Variants in RSRC1 observed in about 807,000 individuals in gnomAD.
The protein encoded by RSRC1 is arginine and serine rich coiled-coil 1.
Under a neutral mutation model 49.1 loss-of-function variants are expected in RSRC1, and 39 were observed. The ratio of observed to expected loss-of-function variants is 0.79; its 90% CI spans 0.61 to 1.04. RSRC1 has a LOEUF of 1.04. RSRC1 is among the 50% of genes least tolerant of loss of function. The pLI is 0.00. For synonymous variants in RSRC1, 143 were observed against 130.8 expected, an observed-to-expected ratio of 1.09 and a Z score of -0.63; for missense variants, 388 against 402.4, an observed-to-expected ratio of 0.96 and a Z score of 0.31.
At chr3:158,336,321 G>A (rs995621179) in intron 5 of RSRC1, 1 of 152,278 alleles carries the variant, frequency 6.6e-6, no homozygotes, top group South Asian at 2.1e-4. Context: ...AAAGATGAGG[G>A]TGAGGTGGGG....
chr3:158,346,165 G>A (rs1230478662), intron 5 of RSRC1, among the ~76,000 whole-genome samples: 4 of 152,080 alleles, frequency 2.6e-5, no homozygotes, highest in Non-Finnish European at 5.9e-5. Flanking sequence ...AGAGGAAATT[G>A]GCAGAGTATG....
At position 158,331,905 on chromosome 3, in the gene RSRC1, A is replaced by G. The variant is rs370157101; in HGVS notation, c.532-22952A>G. 4.6e-4 allele frequency among the ~76,000 whole-genome samples: 70 copies of G among 151,116 alleles called. 6 individuals carry two copies. The East Asian group carries it at 6.0e-3, about 13-fold the overall frequency. On this transcript the variant is annotated intron_variant, in intron 5 of 9. Transcript: ENST00000611884. ...CATTCCTACACTACCATACTAATAT[A>G]TTATTTAGTTGCTCTTTCATAATAT... is the stretch of plus-strand genomic sequence containing the variant.
chr3:158,178,053 G>A (rs1274238299), intron 3 of RSRC1, among the ~76,000 whole-genome samples: 3 of 152,034 alleles, frequency 2.0e-5, no homozygotes, highest in African/African-American at 7.2e-5. Context: ...TTTGTTATCT[G>A]TAGACTGTTG....
chr3:158,213,582 T>C (rs1348168527), intron 4 of RSRC1, among the ~76,000 whole-genome samples: 2 of 151,900 alleles, frequency 1.3e-5, no homozygotes. Context: ...AATACAACAA[T>C]GAGTACTGCT....
chr3:158,112,238 CT>C (rs1285667148), intron 1 of RSRC1, among the ~76,000 whole-genome samples: 3 of 152,350 alleles, frequency 2.0e-5, no homozygotes, highest in Non-Finnish European at 4.4e-5. Context: ...ATCAATGTGT[CT>C]TTCCATTCAT....
At chr3:158,384,209 A>G (rs1364187724) in intron 6 of RSRC1, among the ~76,000 whole-genome samples, 1 of 152,160 alleles carries the variant, frequency 6.6e-6, no homozygotes, top group African/African-American at 2.4e-5. Context: ...AGACATCAAG[A>G]AACTCTTCTG....
chr3:158,334,543 C>T (rs889799833), intron 5 of RSRC1, among the ~76,000 whole-genome samples: 3 of 149,888 alleles, frequency 2.0e-5, no homozygotes, highest in South Asian at 2.1e-4. Flanking sequence ...TGCAGTGGTG[C>T]GATCTCAGCT....
At chr3:158,188,681 A>T (rs827157) in intron 3 of RSRC1, among the ~76,000 whole-genome samples, 1 of 151,602 alleles carries the variant, frequency 6.6e-6, no homozygotes, top group Non-Finnish European at 1.5e-5. Context: ...AACCCATATG[A>T]GCAAAAGGTG....
intron 6 of RSRC1, among the ~76,000 whole-genome samples, chr3:158,436,224 A>T (rs79810812): frequency 0.054 from 8,130 of 151,926 alleles, 317 homozygotes; most frequent in South Asian, 0.1. Flanking sequence ...CACTTGTTCA[A>T]TTGGCTATAG....
At chr3:158,504,939 AATTTTT>A (rs1739784173) in intron 7 of RSRC1, among the ~76,000 whole-genome samples, 1 of 152,290 alleles carries the variant, frequency 6.6e-6, no homozygotes, top group Admixed American at 6.5e-5. Context: ...TTGGCCTTCA[AATTTTT>A]ATTAACTTGG....
At chr3:158,353,953 C>CA (rs1731012027) in intron 5 of RSRC1, among the ~76,000 whole-genome samples, 2 of 149,660 alleles carry the variant, frequency 1.3e-5, no homozygotes, top group South Asian at 2.1e-4. Flanking sequence ...CCAAAAATCT[C>CA]AGAGTGTGGT....
At chr3:158,518,148 A>ATATTTTTT (rs1310027981) in intron 7 of RSRC1, among the ~76,000 whole-genome samples, 1 of 44,138 alleles carries the variant, frequency 2.3e-5, no homozygotes, top group African/African-American at 1.5e-4. Flanking sequence ...ATATATATAT[A>ATATTTTTT]TTTTTTTTTT....
At chr3:158,256,333 C>T (rs756719704) in intron 4 of RSRC1, among the ~76,000 whole-genome samples, 23 of 151,986 alleles carry the variant, frequency 1.5e-4, no homozygotes, top group Non-Finnish European at 3.2e-4. Flanking sequence ...TGGTTTTTGT[C>T]GTTGGTTCTG....
At chr3:158,444,889 A>G (rs1333458578) in intron 6 of RSRC1, among the ~76,000 whole-genome samples, 1 of 152,226 alleles carries the variant, frequency 6.6e-6, no homozygotes, top group Non-Finnish European at 1.5e-5. Context: ...TGCAGCCAAA[A>G]GACACATGAA....
In RSRC1 at chr3:158,460,920, T is replaced by C. The variant is rs1273530911; in HGVS notation, c.584-15T>C. ...GCATAAAATAAGTACAAAAATTGTA[T>C]TGTTTTTGTTTCAGCAAAAGCTGAT... On this transcript the variant is annotated splice_polypyrimidine_tract_variant and intron_variant, in intron 6 of 9. Transcript: ENST00000611884. 1 of 1,558,802 alleles carries C rather than the reference T, an allele frequency of 6.4e-7. No individual in the cohort carries two copies. Among genetic ancestry groups the C allele is most frequent in the African/African-American group, 1.4e-5 (1 of 72,890 alleles).
intron 4 of RSRC1, among the ~76,000 whole-genome samples, chr3:158,222,816 C>A (rs1198144773): frequency 6.6e-6 from 1 of 151,610 alleles, no homozygotes; most frequent in Non-Finnish European, 1.5e-5. Context: ...CCTTTTCTAA[C>A]TGTGCTCTGT....
intron 4 of RSRC1, among the ~76,000 whole-genome samples, chr3:158,295,932 T>C (rs900824171): frequency 6.6e-6 from 1 of 152,082 alleles, no homozygotes; most frequent in African/African-American, 2.4e-5. Context: ...TCTTTGTTTA[T>C]CCCATTTTGT....
chr3:158,265,455 C>G (rs987071067), intron 4 of RSRC1, among the ~76,000 whole-genome samples: 19 of 151,856 alleles, frequency 1.3e-4, no homozygotes, highest in African/African-American at 4.4e-4. Context: ...AGATGGTGAA[C>G]CTCTGTCTCT....
chr3:158,194,566 A>G (rs1167655778), intron 3 of RSRC1, among the ~76,000 whole-genome samples: 1 of 148,740 alleles, frequency 6.7e-6, no homozygotes, highest in Admixed American at 6.8e-5. Context: ...TTACATATGT[A>G]TACATGTGCC....
Sources: allele counts gnomAD v4.1 joint callset (sites outside exome capture counted in the v4.1 genomes callset), GRCh38; gene constraint gnomAD v4.1.1; transcripts MANE v1.5; gene names NCBI Gene and HGNC (gene_info 2026-07-23, HGNC 2026-07-21).